The following GRIN2B variants were observed in gnomAD, a reference collection of about 807,000 sequenced individuals.
GRIN2B encodes glutamate ionotropic receptor NMDA type subunit 2B.
In GRIN2B, 5 loss-of-function variants were observed where a neutral mutation model predicts 114.5. That is an observed-to-expected ratio of 0.04 (90% CI 0.02 to 0.09). GRIN2B has a LOEUF of 0.09. Ranked by LOEUF, GRIN2B falls within the 10% of genes least tolerant of loss-of-function variation. The pLI, the probability that GRIN2B is intolerant of heterozygous loss-of-function variation, is 1.00. For missense variants in GRIN2B, 1,108 were observed against 1,943.5 expected, an observed-to-expected ratio of 0.57 and a Z score of 8.08; for synonymous variants, 787 against 745.1, an observed-to-expected ratio of 1.06 and a Z score of -0.92.
At chr12:13,745,719 T>G (rs956854254) in intron 4 of GRIN2B, among the ~76,000 whole-genome samples, 1 of 152,256 alleles carries the variant, frequency 6.6e-6, no homozygotes, top group Non-Finnish European at 1.5e-5. Flanking sequence ...AATGCTTTGA[T>G]GCTAAGGAAA....
intron 3 of GRIN2B, among the ~76,000 whole-genome samples, chr12:13,773,526 G>A (rs1462165424): frequency 6.6e-6 from 1 of 152,198 alleles, no homozygotes; most frequent in African/African-American, 2.4e-5. Flanking sequence ...TCAAAGGCAA[G>A]CAAATGCCTC....
At chr12:13,906,264 C>A (rs1398242361) in intron 2 of GRIN2B, among the ~76,000 whole-genome samples, 1 of 152,152 alleles carries the variant, frequency 6.6e-6, no homozygotes, top group East Asian at 1.9e-4. Context: ...TTGTACCTGG[C>A]CCCCTAACTA....
intron 2 of GRIN2B, among the ~76,000 whole-genome samples, chr12:13,870,870 T>C (rs879463211): frequency 3.9e-5 from 6 of 152,146 alleles, no homozygotes; most frequent in Non-Finnish European, 7.4e-5. Context: ...TCTCATACAA[T>C]GGAAGTCAAG....
intron 2 of GRIN2B, among the ~76,000 whole-genome samples, chr12:13,931,604 T>C (rs1427639822): frequency 6.6e-6 from 1 of 152,216 alleles, no homozygotes; most frequent in African/African-American, 2.4e-5. Context: ...CTGATATGTC[T>C]AGTTCTGACT....
chr12:13,735,494 C>T (rs1053099714), intron 4 of GRIN2B, among the ~76,000 whole-genome samples: 1 of 152,160 alleles, frequency 6.6e-6, no homozygotes, highest in African/African-American at 2.4e-5. Context: ...AAGGAGTCAA[C>T]CTCCTTTTCC....
At chr12:13,832,917 C>A (rs987935860) in intron 3 of GRIN2B, among the ~76,000 whole-genome samples, 1 of 152,096 alleles carries the variant, frequency 6.6e-6, no homozygotes, top group Non-Finnish European at 1.5e-5. Flanking sequence ...ATGAAAGTCT[C>A]TATTTCCCTG....
At chr12:13,722,260 G>A (rs1308105712) in intron 4 of GRIN2B, among the ~76,000 whole-genome samples, 2 of 152,110 alleles carry the variant, frequency 1.3e-5, no homozygotes, top group African/African-American at 4.8e-5. Context: ...AAGGATTTCA[G>A]GGGTTTTTTA....
chr12:13,698,216 G>T (rs1370739361), intron 4 of GRIN2B, among the ~76,000 whole-genome samples: 1 of 152,060 alleles, frequency 6.6e-6, no homozygotes, highest in East Asian at 1.9e-4. Context: ...ATGCGGTGGA[G>T]TTGGGGCGCG....
intron 3 of GRIN2B, among the ~76,000 whole-genome samples, chr12:13,843,826 T>C (rs531103829): frequency 6.6e-6 from 1 of 152,352 alleles, no homozygotes; most frequent in East Asian, 1.9e-4. Context: ...CTCTTTGAAA[T>C]GTGTCATGTT....
chr12:13,774,360 T>C (rs1023850931), intron 3 of GRIN2B, among the ~76,000 whole-genome samples: 3 of 152,200 alleles, frequency 2.0e-5, no homozygotes, highest in Non-Finnish European at 4.4e-5. Flanking sequence ...AGCATCCAGA[T>C]GGTGAACTGT....
chr12:13,864,675 GAAT>G (rs1865797374), intron 3 of GRIN2B, among the ~76,000 whole-genome samples: 1 of 152,182 alleles, frequency 6.6e-6, no homozygotes, highest in African/African-American at 2.4e-5. Context: ...ACCCAAAGCA[GAAT>G]AAAACGCTTT....
rs936293986 is a variant in GRIN2B, at chr12:13,956,635, C to T, written c.-19+23293G>A. Among the ~76,000 whole-genome samples the T allele has an allele frequency of 1.4e-4, 21 of 152,296 alleles. No individual in the cohort carries two copies. In the East Asian group the frequency reaches 3.7e-3, roughly 27 times the overall value. On this transcript the variant is annotated intron_variant, in intron 2 of 13. Transcript: ENST00000609686. Reference sequence around the variant, plus strand: ...GGGCTCACATCTGTCTGCCCAGCAACGAGCCGCATCATCACGAGCATACCT... The same window carrying T: ...GGGCTCACATCTGTCTGCCCAGCAATGAGCCGCATCATCACGAGCATACCT...
At chr12:13,709,280 C>G (rs1950392845) in intron 4 of GRIN2B, among the ~76,000 whole-genome samples, 1 of 151,914 alleles carries the variant, frequency 6.6e-6, no homozygotes, top group Non-Finnish European at 1.5e-5. Flanking sequence ...CAAAATTACT[C>G]AGCATACAAA....
chr12:13,635,215 G>C (rs1230788990), intron 5 of GRIN2B, among the ~76,000 whole-genome samples: 1 of 152,174 alleles, frequency 6.6e-6, no homozygotes, highest in Non-Finnish European at 1.5e-5. Flanking sequence ...GAGAAACGTA[G>C]ACTGTGGAGG....
Position 13,551,637 on chromosome 12 carries a change from G to A in GRIN2B, c.*11146C>T, listed in dbSNP as rs1427327588. The A allele has an allele frequency of 2.6e-5, 4 of 152,142 alleles. No individual in the cohort carries two copies. Among genetic ancestry groups the A allele is most frequent in the African/African-American group, 9.7e-5 (4 of 41,422 alleles). 9.4% of individuals were successfully genotyped at this position (152,142 alleles called of 1,614,324 possible). On this transcript the variant is annotated 3_prime_UTR_variant, in exon 14 of 14. Transcript: ENST00000609686. ...TAACATGATTGACATAGGAAATTTG[G>A]ATCTATTTGTTAAGATTGTGTGTGT...
intron 2 of GRIN2B, among the ~76,000 whole-genome samples, chr12:13,955,088 C>A (rs2136853931): frequency 6.6e-6 from 1 of 151,918 alleles, no homozygotes; most frequent in East Asian, 1.9e-4. Context: ...GAAGATTTGA[C>A]AAAATTGATC....
At chr12:13,597,671 A>G (rs1338942599) in intron 10 of GRIN2B, among the ~76,000 whole-genome samples, 1 of 152,160 alleles carries the variant, frequency 6.6e-6, no homozygotes, top group Non-Finnish European at 1.5e-5. Context: ...CACTCCCACC[A>G]GGCAGAGTGC....
chr12:13,967,703 C>T (rs1281788659), intron 2 of GRIN2B, among the ~76,000 whole-genome samples: 1 of 152,144 alleles, frequency 6.6e-6, no homozygotes, highest in Admixed American at 6.5e-5. Flanking sequence ...TGGATAGAGA[C>T]ACGATAGCAG....
chr12:13,763,194 C>A (rs1863714007), intron 3 of GRIN2B, among the ~76,000 whole-genome samples: 1 of 152,102 alleles, frequency 6.6e-6, no homozygotes, highest in Non-Finnish European at 1.5e-5. Flanking sequence ...AGACTTTGAA[C>A]TTTAGTCACC....
Sources: allele counts gnomAD v4.1 joint callset (sites outside exome capture counted in the v4.1 genomes callset), GRCh38; gene constraint gnomAD v4.1.1; transcripts MANE v1.5; gene names NCBI Gene and HGNC (gene_info 2026-07-23, HGNC 2026-07-21).